Variants in SOX6 observed in about 807,000 individuals in gnomAD.
The protein encoded by SOX6 is transcription factor SOX-6.
SOX6 carries 11 observed loss-of-function variants against 97.8 expected under a neutral mutation model. The ratio of observed to expected loss-of-function variants is 0.11; its 90% confidence interval spans 0.07 to 0.19. The LOEUF is 0.19. SOX6 is among the 10% of genes least tolerant of loss of function. The pLI is 1.00. For synonymous variants in SOX6, 360 were observed against 371.4 expected (o/e 0.97, Z 0.35); for missense variants, 810 against 1,039.5 (o/e 0.78, Z 3.04).
At position 16,306,480 on chromosome 11, in the gene SOX6, CAA is replaced by C. The variant is rs370623980; in HGVS notation, c.445+11964_445+11965del. Among the ~76,000 whole-genome samples, 406 of 151,988 alleles carry C rather than the reference CAA, an allele frequency of 2.7e-3. 1 individual carries two copies. Among genetic ancestry groups the C allele is most frequent in the African/African-American group, 9.4e-3 (389 of 41,450 alleles). Reference sequence around the variant, plus strand: ...AAAATTTCAATAAACGGAGAGAATACAAAGTTATTCTGGATAGGAGGGATAAT... The same window carrying C: ...AAAATTTCAATAAACGGAGAGAATACAGTTATTCTGGATAGGAGGGATAAT... On this transcript the variant is annotated intron_variant, in intron 3 of 15. Coordinates refer to ENST00000683767, the MANE Select transcript of SOX6 (RefSeq NM_001367873.1).
chr11:16,559,009 TAAC>T (rs1246630634), intron 4 of SOX6, among the ~76,000 whole-genome samples: 7 of 152,118 alleles, frequency 4.6e-5, no homozygotes, highest in Admixed American at 2.0e-4. Context: ...TTTTAGAAAG[TAAC>T]AACAATTTTT....
chr11:16,107,791 T>C (rs1433533514), intron 7 of SOX6, among the ~76,000 whole-genome samples: 1 of 152,062 alleles, frequency 6.6e-6, no homozygotes, highest in Non-Finnish European at 1.5e-5. Context: ...ACAATAACTA[T>C]TATATTATGT....
At chr11:16,510,667 T>G (rs1860867361) in intron 4 of SOX6, among the ~76,000 whole-genome samples, 1 of 152,100 alleles carries the variant, frequency 6.6e-6, no homozygotes, top group Non-Finnish European at 1.5e-5. Context: ...TGTTAAATTA[T>G]GATTATTAAT....
chr11:16,102,367 A>C (rs570486533), intron 7 of SOX6, among the ~76,000 whole-genome samples: 2 of 152,084 alleles, frequency 1.3e-5, no homozygotes, highest in African/African-American at 4.8e-5. Flanking sequence ...CACTGCTGAA[A>C]GAAATCATAG....
At chr11:16,298,412 GT>G (rs967984781) in intron 3 of SOX6, among the ~76,000 whole-genome samples, 2 of 151,618 alleles carry the variant, frequency 1.3e-5, no homozygotes, top group Non-Finnish European at 1.5e-5. Flanking sequence ...AAATTTATGT[GT>G]TTTTTTTAGA....
intron 3 of SOX6, among the ~76,000 whole-genome samples, chr11:16,664,531 A>G (rs980022897): frequency 1.4e-4 from 22 of 152,292 alleles, no homozygotes; most frequent in African/African-American, 5.3e-4. Flanking sequence ...TACCCATCCC[A>G]GCAGTCAGAA....
chr11:16,732,073 C>T (rs1323140808), intron 2 of SOX6, among the ~76,000 whole-genome samples: 1 of 152,168 alleles, frequency 6.6e-6, no homozygotes, highest in African/African-American at 2.4e-5. Flanking sequence ...CAAACCACTG[C>T]TCAAGGAAAT....
intron 2 of SOX6, among the ~76,000 whole-genome samples, chr11:16,325,715 A>G (rs1371061340): frequency 6.6e-6 from 1 of 152,132 alleles, no homozygotes; most frequent in Admixed American, 6.5e-5. Context: ...CACATAAGCT[A>G]AAATCTAGAT....
At chr11:16,386,310 A>C (rs1857983253) in intron 1 of SOX6, among the ~76,000 whole-genome samples, 1 of 151,030 alleles carries the variant, frequency 6.6e-6, no homozygotes, top group South Asian at 2.1e-4. Context: ...TAAGTTGAGA[A>C]TATCACATTG....
chr11:16,297,206 T>C (rs1307212223), intron 3 of SOX6, among the ~76,000 whole-genome samples: 1 of 152,164 alleles, frequency 6.6e-6, no homozygotes, highest in African/African-American at 2.4e-5. Flanking sequence ...ACAGTTGTGA[T>C]AGCTTTGTAA....
Position 16,464,454 on chromosome 11 carries a change from G to GA in SOX6, c.-5+11860dup, listed in dbSNP as rs564705698. ...AATTAGAAACAATCTCTTTCTAAAT[G>GA]AAAAAAAAAAGGAAGGACAGAAGGG... On this transcript the variant is annotated intron_variant, in intron 1 of 15. Coordinates refer to the SOX6 transcript ENST00000396356. Among the ~76,000 whole-genome samples the GA allele has an allele frequency of 8.2e-3, 1,155 of 140,644 alleles. 13 individuals are homozygous for GA. Among genetic ancestry groups the GA allele is most frequent in the African/African-American group, 0.026 (1,002 of 38,332 alleles). The allele number at this position is 140,644 out of a possible 152,430, so 92.3% of individuals were successfully genotyped here.
chr11:15,991,106 T>C (rs1854036430), intron 13 of SOX6, among the ~76,000 whole-genome samples: 1 of 152,120 alleles, frequency 6.6e-6, no homozygotes, highest in African/African-American at 2.4e-5. Context: ...TATACAAAAA[T>C]AACATATTTT....
intron 11 of SOX6, 149 bp from the exon 12 acceptor site, chr11:16,046,850 A>G: frequency 1.2e-6 from 1 of 840,478 alleles, no homozygotes. Context: ...TAATATACAT[A>G]GAACACAGAG....
intron 3 of SOX6, among the ~76,000 whole-genome samples, chr11:16,660,747 A>AC (rs1370149051): frequency 6.6e-6 from 1 of 152,196 alleles, no homozygotes; most frequent in Non-Finnish European, 1.5e-5. Flanking sequence ...GAGATCCCAG[A>AC]CAGCCGCCTT....
chr11:16,409,601 T>C (rs932323364), intron 1 of SOX6, among the ~76,000 whole-genome samples: 2 of 152,174 alleles, frequency 1.3e-5, no homozygotes, highest in African/African-American at 4.8e-5. Flanking sequence ...ACTAATTCTA[T>C]AGTGTAAATG....
At chr11:16,000,476 T>C (rs374094504) in intron 13 of SOX6, among the ~76,000 whole-genome samples, 1 of 152,340 alleles carries the variant, frequency 6.6e-6, no homozygotes. Context: ...ATAGTGATTG[T>C]TGAATATATA....
At chr11:16,185,950 C>T (rs945536561) in intron 5 of SOX6, among the ~76,000 whole-genome samples, 14 of 152,006 alleles carry the variant, frequency 9.2e-5, no homozygotes, top group African/African-American at 3.1e-4. Context: ...AAGATAATTC[C>T]AGTAATAATG....
Position 16,144,789 on chromosome 11 carries a change from G to C in SOX6, c.778-32866C>G, listed in dbSNP as rs534463580. Reference sequence around the variant, plus strand: ...TTCCTCGACACATACACCCTCCCAAGACTAAACCCAGAAGAAGTTGAATCC... The same window carrying C: ...TTCCTCGACACATACACCCTCCCAACACTAAACCCAGAAGAAGTTGAATCC... On this transcript the variant is annotated intron_variant, in intron 6 of 15. Coordinates refer to ENST00000683767, the MANE Select transcript of SOX6 (RefSeq NM_001367873.1). Among the ~76,000 whole-genome samples, 184 of 152,218 alleles carry C rather than the reference G, an allele frequency of 1.2e-3. 1 individual carries two copies. Among genetic ancestry groups the C allele is most frequent in the Non-Finnish European group, 1.7e-3 (114 of 68,022 alleles).
intron 4 of SOX6, among the ~76,000 whole-genome samples, chr11:16,501,157 A>C (rs1038592418): frequency 6.6e-6 from 1 of 152,210 alleles, no homozygotes; most frequent in African/African-American, 2.4e-5. Flanking sequence ...ATAATGCCAC[A>C]TATCTACAAC....
Sources: allele counts gnomAD v4.1 joint callset (sites outside exome capture counted in the v4.1 genomes callset), GRCh38; gene constraint gnomAD v4.1.1; transcripts MANE v1.5; gene names NCBI Gene and HGNC (gene_info 2026-07-23, HGNC 2026-07-21).